Variants in OPRM1 observed in about 807,000 individuals in gnomAD.
OPRM1 encodes opioid receptor mu 1, also known as mu-type opioid receptor.
In OPRM1, 27 loss-of-function variants were observed where a neutral mutation model predicts 31.8. That is an observed-to-expected ratio of 0.85 (90% CI 0.63 to 1.17). OPRM1 has a LOEUF of 1.17. Among genes scored for constraint, OPRM1 ranks in the 50% most tolerant of loss-of-function variants. OPRM1 has a pLI of 0.00. For synonymous variants in OPRM1, 196 were observed against 189.9 expected (o/e 1.03, Z -0.26); for missense variants, 536 against 511.1 (o/e 1.05, Z -0.47).
intron 3 of OPRM1, among the ~76,000 whole-genome samples, chr6:154,227,188 A>C (rs1779319430): frequency 6.6e-6 from 1 of 152,048 alleles, no homozygotes; most frequent in Admixed American, 6.5e-5. Flanking sequence ...TGGGCAACAG[A>C]GCAAGATTCT....
Position 154,128,453 on chromosome 6 carries a change from C to T in OPRM1, c.*9732C>T, listed in dbSNP as rs1428545215. On this transcript the variant is annotated 3_prime_UTR_variant, in exon 4 of 4. Transcript: ENST00000330432. ...AAGCAATGTTCACCATAGCAAAATT[C>T]CAGTGAAGTCTAAGAACTGGGACAG... Among the ~76,000 whole-genome samples, 1 of 152,184 alleles carries T rather than the reference C, an allele frequency of 6.6e-6. No individual in the cohort carries two copies. Among genetic ancestry groups the T allele is most frequent in the Non-Finnish European group, 1.5e-5 (1 of 68,036 alleles).
At chr6:154,040,117 A>G (rs1348709206) in intron 1 of OPRM1, among the ~76,000 whole-genome samples, 2 of 152,184 alleles carry the variant, frequency 1.3e-5, no homozygotes, top group African/African-American at 4.8e-5. Context: ...GAGGGAAGCT[A>G]TAGCATAGAC....
intron 3 of OPRM1, among the ~76,000 whole-genome samples, chr6:154,165,400 T>G (rs1179191052): frequency 2.0e-5 from 3 of 152,312 alleles, no homozygotes; most frequent in Admixed American, 6.5e-5. Flanking sequence ...CATGCACACA[T>G]GTACCAAGTT....
chr6:154,059,012 G>A (rs1398117738), intron 1 of OPRM1, among the ~76,000 whole-genome samples: 2 of 152,144 alleles, frequency 1.3e-5, no homozygotes, highest in Non-Finnish European at 2.9e-5. Flanking sequence ...TTATTCAATT[G>A]CATCAAGGAG....
chr6:154,207,206 T>G (rs1376802359), intron 3 of OPRM1, among the ~76,000 whole-genome samples: 1 of 152,222 alleles, frequency 6.6e-6, no homozygotes, highest in Non-Finnish European at 1.5e-5. Flanking sequence ...CGTGACTGAC[T>G]GCCAGGAGAG....
chr6:154,175,762 A>C (rs945971537), intron 3 of OPRM1, among the ~76,000 whole-genome samples: 11 of 152,240 alleles, frequency 7.2e-5, no homozygotes, highest in African/African-American at 2.7e-4. Context: ...AGCTGGTACC[A>C]TTCCTTCTGA....
At chr6:154,078,683 C>A (rs1037314856) in intron 1 of OPRM1, among the ~76,000 whole-genome samples, 1 of 152,176 alleles carries the variant, frequency 6.6e-6, no homozygotes, top group African/African-American at 2.4e-5. Flanking sequence ...CCAGCCTGGG[C>A]AACATGGCAA....
At chr6:154,089,007 A>T (rs1201205109) in intron 1 of OPRM1, among the ~76,000 whole-genome samples, 2 of 152,108 alleles carry the variant, frequency 1.3e-5, no homozygotes, top group East Asian at 3.9e-4. Context: ...CACTTCCAGG[A>T]TGCCTTCCAC....
chr6:154,197,985 G>T (rs999398716), intron 3 of OPRM1, among the ~76,000 whole-genome samples: 1 of 152,088 alleles, frequency 6.6e-6, no homozygotes, highest in Non-Finnish European at 1.5e-5. Flanking sequence ...CAAGATAGAG[G>T]TCATCTAGTT....
rs940642565 is a variant in OPRM1 at position 154,197,574 on chromosome 6, A to G, written c.1165-49119A>G. 3.8e-4 allele frequency among the ~76,000 whole-genome samples: 58 copies of G among 152,372 alleles called. 1 individual carries two copies. The highest frequency in any genetic ancestry group is 5.1e-4 in the Non-Finnish European group (35 of 68,032). On this transcript the variant is annotated intron_variant, in intron 3 of 3. Transcript: ENST00000337049. ...ATACAGATTTTGCTGGTCACTCTGC[A>G]TGTAACTCAAAACTAAATAATACCA...
intron 3 of OPRM1, among the ~76,000 whole-genome samples, chr6:154,209,868 T>C (rs790250): frequency 0.25 from 37,782 of 152,114 alleles, 5,263 homozygotes; most frequent in Admixed American, 0.43. Context: ...ATTTCCAATA[T>C]ATTTCTTTAG....
intron 3 of OPRM1, chr6:154,091,694 A>G: frequency 7.7e-7 from 1 of 1,302,688 alleles, no homozygotes; most frequent in East Asian, 2.9e-5. Context: ...CCAATGAGAA[A>G]TCCATGAAAC....
At chr6:154,058,631 T>G (rs757690237) in intron 1 of OPRM1, among the ~76,000 whole-genome samples, 2 of 152,166 alleles carry the variant, frequency 1.3e-5, no homozygotes, top group Non-Finnish European at 1.5e-5. Flanking sequence ...AGAATATTGG[T>G]CCCTAGCAAT....
At position 154,107,863 on chromosome 6, in the gene OPRM1, C is replaced by T. The variant is rs150821368; in HGVS notation, c.1165-10820C>T. 330 of 694,210 alleles carry T rather than the reference C, an allele frequency of 4.8e-4. 3 individuals carry two copies. The African/African-American group carries it at 5.4e-3, about 11-fold the overall frequency. 43.0% of individuals were successfully genotyped at this position (694,210 alleles called of 1,614,324 possible). ...AGTATCCCTCAACACAGAAAAACGA[C>T]CTCATAACACAAAATACACCAGCTT... On this transcript the variant is annotated intron_variant, in intron 3 of 3. Coordinates refer to ENST00000330432, the MANE Select transcript of OPRM1 (RefSeq NM_000914.5).
chr6:154,026,979 G>A (rs1364464233), intron 1 of OPRM1, among the ~76,000 whole-genome samples: 1 of 152,146 alleles, frequency 6.6e-6, no homozygotes, highest in Non-Finnish European at 1.5e-5. Flanking sequence ...ATTTAGTGGG[G>A]TCGTATTTTC....
chr6:154,149,000 C>T (rs957983733), intron 3 of OPRM1, among the ~76,000 whole-genome samples: 1 of 152,174 alleles, frequency 6.6e-6, no homozygotes, highest in Admixed American at 6.5e-5. Flanking sequence ...TATGTATTCC[C>T]CTTCCCCATT....
intron 3 of OPRM1, among the ~76,000 whole-genome samples, chr6:154,203,409 T>G (rs1002713390): frequency 7.9e-5 from 12 of 152,290 alleles, no homozygotes; most frequent in Admixed American, 5.2e-4. Context: ...CCTTGAACAG[T>G]AGGGATTCAA....
At chr6:154,109,792 C>G (rs1742322) in intron 3 of OPRM1, among the ~76,000 whole-genome samples, 31,274 of 99,620 alleles carry the variant, frequency 0.31, 4,025 homozygotes, top group East Asian at 0.47. Flanking sequence ...CTCTCTCTCT[C>G]TGTGTGTGTG....
At chr6:154,197,353 T>C (rs1472780417) in intron 3 of OPRM1, among the ~76,000 whole-genome samples, 2 of 152,230 alleles carry the variant, frequency 1.3e-5, no homozygotes, top group Non-Finnish European at 1.5e-5. Flanking sequence ...TGGGTTGCTG[T>C]TTCCATAGAG....
Sources: allele counts gnomAD v4.1 joint callset (sites outside exome capture counted in the v4.1 genomes callset), GRCh38; gene constraint gnomAD v4.1.1; transcripts MANE v1.5; gene names NCBI Gene and HGNC (gene_info 2026-07-23, HGNC 2026-07-21).